Variants in CREB5 observed in about 807,000 individuals in gnomAD.
The protein encoded by CREB5 is cyclic AMP-responsive element-binding protein 5.
A neutral mutation model predicts 57.1 loss-of-function variants in CREB5; 19 were observed. The ratio of observed to expected loss-of-function variants is 0.33; its 90% CI spans 0.23 to 0.49. CREB5 has a LOEUF of 0.49. Among genes scored for constraint, CREB5 ranks in the 20% least tolerant of loss-of-function variants. The probability of loss-of-function intolerance (pLI) is 0.99; values close to 1 mark genes in which losing one functional copy is unlikely to be tolerated. For missense variants in CREB5, 579 were observed against 671.6 expected, an observed-to-expected ratio of 0.86 and a Z score of 1.52; for synonymous variants, 238 against 238.3, an observed-to-expected ratio of 1.00 and a Z score of 0.01.
intron 1 of CREB5, among the ~76,000 whole-genome samples, chr7:28,336,369 T>C (rs1366573046): frequency 2.0e-5 from 3 of 152,088 alleles, no homozygotes; most frequent in African/African-American, 4.8e-5. Flanking sequence ...GCTTTGATCT[T>C]GTTGCTTGTT....
At chr7:28,431,580 G>A (rs1583454106) in intron 1 of CREB5, among the ~76,000 whole-genome samples, 1 of 151,970 alleles carries the variant, frequency 6.6e-6, no homozygotes, top group South Asian at 2.1e-4. Context: ...AAATATTGGA[G>A]GTAAACAAAG....
intron 5 of CREB5, among the ~76,000 whole-genome samples, chr7:28,571,447 T>C (rs1264794838): frequency 1.3e-5 from 2 of 152,158 alleles, no homozygotes; most frequent in Non-Finnish European, 2.9e-5. Context: ...CATTGGTCCA[T>C]GCTGATTTCT....
intron 2 of CREB5, among the ~76,000 whole-genome samples, chr7:28,493,892 A>G (rs1791909597): frequency 6.6e-6 from 1 of 152,262 alleles, no homozygotes; most frequent in Non-Finnish European, 1.5e-5. Flanking sequence ...TGTGTAATTT[A>G]AAAATATCAG....
chr7:28,608,944 C>T (rs181100895), intron 5 of CREB5: 7 of 152,232 alleles, frequency 4.6e-5, no homozygotes, highest in East Asian at 3.9e-4. Context: ...TAACCAGTAG[C>T]GATTAGTCAT....
chr7:28,377,936 AAAAAAAAAACAAAAAAG>A (rs1786873015), intron 1 of CREB5, among the ~76,000 whole-genome samples: 1 of 150,276 alleles, frequency 6.7e-6, no homozygotes, highest in African/African-American at 2.4e-5. Context: ...TATCTCAAAA[AAAAAAAAAACAAAAAAG>A]AAAAAGAAAA....
chr7:28,338,470 C>G (rs11975941), intron 1 of CREB5, among the ~76,000 whole-genome samples: 55,730 of 152,020 alleles, frequency 0.37, 10,724 homozygotes, highest in Non-Finnish European at 0.43. Context: ...AAGGTTTCCA[C>G]TGAAAAGTCT....
chr7:28,791,577 G>C (rs547400697), intron 7 of CREB5, among the ~76,000 whole-genome samples: 1 of 152,106 alleles, frequency 6.6e-6, no homozygotes, highest in Non-Finnish European at 1.5e-5. Context: ...AATTTTTGTC[G>C]CCTATTTCAT....
At chr7:28,697,250 C>T (rs1801624186) in intron 5 of CREB5, among the ~76,000 whole-genome samples, 1 of 152,140 alleles carries the variant, frequency 6.6e-6, no homozygotes, top group South Asian at 2.1e-4. Flanking sequence ...GTGCAGTCAG[C>T]ATTGGAAACA....
intron 4 of CREB5, among the ~76,000 whole-genome samples, chr7:28,560,867 TGCGTGCGC>T (rs1562797350): frequency 1.4e-4 from 3 of 22,046 alleles, no homozygotes; most frequent in Non-Finnish European, 2.4e-4. Flanking sequence ...TGCGTGTGCC[TGCGTGCGC>T]GTGCGTGCGT....
At chr7:28,386,571 C>T (rs553029623) in intron 1 of CREB5, among the ~76,000 whole-genome samples, 79 of 152,264 alleles carry the variant, frequency 5.2e-4, no homozygotes, top group African/African-American at 1.7e-3. Flanking sequence ...TATCTTTCAT[C>T]TATTCTCAAA....
chr7:28,642,867 A>T (rs1798710462), intron 5 of CREB5, among the ~76,000 whole-genome samples: 1 of 152,028 alleles, frequency 6.6e-6, no homozygotes, highest in African/African-American at 2.4e-5. Flanking sequence ...AAGACGGATG[A>T]ACACAAGCAT....
At chr7:28,421,874 A>G (rs1288415896) in intron 1 of CREB5, among the ~76,000 whole-genome samples, 2 of 147,380 alleles carry the variant, frequency 1.4e-5, no homozygotes, top group Non-Finnish European at 3.0e-5. Flanking sequence ...TACCATATAT[A>G]TGGTATATAT....
intron 5 of CREB5, among the ~76,000 whole-genome samples, chr7:28,663,209 A>C (rs1164783111): frequency 6.6e-6 from 1 of 151,202 alleles, no homozygotes; most frequent in Non-Finnish European, 1.5e-5. Flanking sequence ...CTCTCCCTTC[A>C]TTTTATTTTT....
chr7:28,697,135 A>G (rs1169668195), intron 5 of CREB5, among the ~76,000 whole-genome samples: 1 of 152,160 alleles, frequency 6.6e-6, no homozygotes, highest in African/African-American at 2.4e-5. Context: ...GTATAACATT[A>G]TTTGGATATC....
At chr7:28,319,023 G>A (rs1448298107) in intron 1 of CREB5, among the ~76,000 whole-genome samples, 1 of 152,188 alleles carries the variant, frequency 6.6e-6, no homozygotes, top group South Asian at 2.1e-4. Flanking sequence ...TATGTTAAAT[G>A]TACTAAGTCA....
chr7:28,516,894 T>A (rs1792984176), intron 4 of CREB5, among the ~76,000 whole-genome samples: 1 of 152,194 alleles, frequency 6.6e-6, no homozygotes, highest in South Asian at 2.1e-4. Flanking sequence ...CTGTGAGTAA[T>A]TCAGGATTTC....
Position 28,801,868 on chromosome 7 carries a change from C to T in CREB5, c.703-2331C>T, listed in dbSNP as rs186052243. Reference sequence around the variant, plus strand: ...TTGGGAGGCCGAGGCAGGTGGATCACGAGGTCAAAAGATGGAGACCATCAC... The same window carrying T: ...TTGGGAGGCCGAGGCAGGTGGATCATGAGGTCAAAAGATGGAGACCATCAC... On this transcript the variant is annotated intron_variant, in intron 7 of 10. Transcript: ENST00000357727. Among the ~76,000 whole-genome samples, 387 of 151,886 alleles carry T rather than the reference C, an allele frequency of 2.5e-3. 2 individuals carry two copies. Among genetic ancestry groups the T allele is most frequent in the South Asian group, 8.1e-3 (39 of 4,812 alleles).
chr7:28,627,169 C>T (rs556669949), intron 5 of CREB5, among the ~76,000 whole-genome samples: 1 of 152,152 alleles, frequency 6.6e-6, no homozygotes, highest in Non-Finnish European at 1.5e-5. Flanking sequence ...TGTCTTCTAC[C>T]GTGGCTGCTG....
intron 7 of CREB5, among the ~76,000 whole-genome samples, chr7:28,782,132 AC>A (rs11292998): frequency 1 from 152,214 of 152,214 alleles, 76,107 homozygotes; most frequent in Non-Finnish European, 1. Flanking sequence ...AAACTTCTCA[AC>A]CCAAAAATGG....
Sources: allele counts gnomAD v4.1 joint callset (sites outside exome capture counted in the v4.1 genomes callset), GRCh38; gene constraint gnomAD v4.1.1; transcripts MANE v1.5; gene names NCBI Gene and HGNC (gene_info 2026-07-23, HGNC 2026-07-21).